The following ZFPM2 variants were observed in gnomAD, a reference collection of about 807,000 sequenced individuals.
ZFPM2 encodes zinc finger protein ZFPM2.
Under a neutral mutation model 98.6 loss-of-function variants are expected in ZFPM2, and 20 were observed. The observed-to-expected ratio is 0.20, with a 90% CI of 0.14 to 0.29. ZFPM2 has a LOEUF of 0.29. Among genes scored for constraint, ZFPM2 ranks in the 10% least tolerant of loss-of-function variants. The pLI, the probability that ZFPM2 is intolerant of heterozygous loss-of-function variation, is 1.00. For missense variants in ZFPM2, 1,310 were observed against 1,388.6 expected (o/e 0.94, Z 0.90); for synonymous variants, 518 against 502.7 (o/e 1.03, Z -0.41).
At chr8:105,702,513 T>G (rs548382392) in intron 5 of ZFPM2, among the ~76,000 whole-genome samples, 1 of 152,288 alleles carries the variant, frequency 6.6e-6, no homozygotes, top group Non-Finnish European at 1.5e-5. Flanking sequence ...GTGCAAAATG[T>G]TTGGTTGCAG....
chr8:105,563,850 A>T (rs1815189710), intron 4 of ZFPM2, among the ~76,000 whole-genome samples: 1 of 152,146 alleles, frequency 6.6e-6, no homozygotes, highest in Non-Finnish European at 1.5e-5. Flanking sequence ...ATATTTCTTC[A>T]AAAGTGTACT....
At chr8:105,476,120 A>T (rs1163828259) in intron 3 of ZFPM2, among the ~76,000 whole-genome samples, 5 of 152,166 alleles carry the variant, frequency 3.3e-5, no homozygotes, top group African/African-American at 4.8e-5. Context: ...TGGTAGTGCA[A>T]ATATGACTTT....
At chr8:105,669,415 A>G (rs1280104534) in intron 5 of ZFPM2, among the ~76,000 whole-genome samples, 2 of 149,422 alleles carry the variant, frequency 1.3e-5, no homozygotes, top group Non-Finnish European at 3.0e-5. Context: ...TGGGGCAAAT[A>G]TATATATATA....
At chr8:105,540,672 G>T (rs140848447) in intron 3 of ZFPM2, among the ~76,000 whole-genome samples, 1 of 152,026 alleles carries the variant, frequency 6.6e-6, no homozygotes, top group Non-Finnish European at 1.5e-5. Context: ...TATGTTGCAC[G>T]TATTTTCGTG....
At chr8:105,403,400 T>C (rs983880387) in intron 1 of ZFPM2, among the ~76,000 whole-genome samples, 1 of 152,128 alleles carries the variant, frequency 6.6e-6, no homozygotes, top group African/African-American at 2.4e-5. Context: ...GTCATCAGCA[T>C]CACTAATTCA....
At position 105,802,624 on chromosome 8, in the gene ZFPM2, A is replaced by G; in HGVS notation, c.2542A>G (p.Lys848Glu). ...GTCTGAGCGGACGACCACGTCTCCC[A>G]AAAGGCTGCTGGACTATCACGAGTG... ...SQSERTTTSP[K>E]RLLDYHECTV... Residue 848 changes from lysine (K) to glutamate (E), a missense_variant, in exon 8 of 8, where the codon AAA becomes GAA. Transcript: ENST00000407775. 1 of 1,610,712 alleles carries G rather than the reference A, an allele frequency of 6.2e-7. No individual in the cohort carries two copies. Among genetic ancestry groups the G allele is most frequent in the Non-Finnish European group, 8.5e-7 (1 of 1,178,410 alleles).
chr8:105,336,250 G>T (rs182696365), intron 1 of ZFPM2, among the ~76,000 whole-genome samples: 1 of 151,600 alleles, frequency 6.6e-6, no homozygotes, highest in Non-Finnish European at 1.5e-5. Flanking sequence ...TAAAGACGAG[G>T]TTATTAAGGA....
At chr8:105,650,760 G>C (rs1360017909) in intron 5 of ZFPM2, among the ~76,000 whole-genome samples, 2 of 152,124 alleles carry the variant, frequency 1.3e-5, no homozygotes, top group Non-Finnish European at 2.9e-5. Flanking sequence ...TTTAATTTCT[G>C]TTCTTTTACA....
intron 5 of ZFPM2, among the ~76,000 whole-genome samples, chr8:105,686,430 G>C (rs1401934995): frequency 6.6e-6 from 1 of 152,092 alleles, no homozygotes; most frequent in South Asian, 2.1e-4. Flanking sequence ...TCCATGTTGT[G>C]AAATTTCCTT....
chr8:105,481,299 T>C (rs377017981), intron 3 of ZFPM2, among the ~76,000 whole-genome samples: 119 of 143,472 alleles, frequency 8.3e-4, no homozygotes, highest in African/African-American at 3.4e-3. Flanking sequence ...ACTGTGTGGC[T>C]TAAACAACTG....
intron 2 of ZFPM2, among the ~76,000 whole-genome samples, chr8:105,438,393 G>A (rs560964148): frequency 1.2e-4 from 19 of 152,306 alleles, no homozygotes; most frequent in African/African-American, 4.6e-4. Context: ...GTGTTTTAAT[G>A]AACTAATAAA....
At position 105,593,260 on chromosome 8, in the gene ZFPM2, A is replaced by G. The variant is rs1815889352; in HGVS notation, c.420+31779A>G. On this transcript the variant is annotated intron_variant, in intron 4 of 7. Transcript: ENST00000407775. ...ATGTATTGGAATGGTTAATTCTAGT[A>G]ATGGAGAAAAGAATTACCAAAATTC... is the stretch of plus-strand genomic sequence containing the variant. 2.0e-5 allele frequency among the ~76,000 whole-genome samples: 3 copies of G among 152,122 alleles called. No individual in the cohort carries two copies. In the South Asian group the frequency reaches 6.2e-4, roughly 32 times the overall value.
chr8:105,741,689 G>A (rs1812218487), intron 5 of ZFPM2, among the ~76,000 whole-genome samples: 2 of 152,080 alleles, frequency 1.3e-5, no homozygotes, highest in South Asian at 2.1e-4. Flanking sequence ...GGGAATTGGT[G>A]CTGGAGTTGG....
At chr8:105,599,018 C>CT (rs1816033765) in intron 4 of ZFPM2, among the ~76,000 whole-genome samples, 1 of 152,108 alleles carries the variant, frequency 6.6e-6, no homozygotes, top group South Asian at 2.1e-4. Flanking sequence ...CACTAGCTAG[C>CT]ATGGCTATGG....
intron 1 of ZFPM2, among the ~76,000 whole-genome samples, chr8:105,359,279 C>G (rs1284965653): frequency 1.3e-5 from 2 of 152,124 alleles, no homozygotes; most frequent in Non-Finnish European, 2.9e-5. Context: ...GCCTTCCCAG[C>G]CATGCAGAAC....
chr8:105,610,209 C>T lies in ZFPM2; in HGVS notation c.421-24037C>T, dbSNP rs556560674. On this transcript the variant is annotated intron_variant, in intron 4 of 7. Transcript: ENST00000407775. ...CAGAGAGCCCAGGCTGTATCTTTTC[C>T]GTTTGTGGGGAATGTTTAGATTTAC... 5.9e-5 allele frequency among the ~76,000 whole-genome samples: 9 copies of T among 152,158 alleles called. No homozygotes were observed. The Middle Eastern group carries it at 0.014, about 230-fold the overall frequency.
At chr8:105,601,135 C>T (rs1326980896) in intron 4 of ZFPM2, among the ~76,000 whole-genome samples, 8 of 152,176 alleles carry the variant, frequency 5.3e-5, no homozygotes, top group East Asian at 1.9e-4. Flanking sequence ...GACAAAGAAT[C>T]GTTTTTCTCC....
chr8:105,723,864 A>G (rs1196941805), intron 5 of ZFPM2, among the ~76,000 whole-genome samples: 1 of 151,668 alleles, frequency 6.6e-6, no homozygotes, highest in Non-Finnish European at 1.5e-5. Context: ...GAATACTTTC[A>G]TTGACATTAA....
intron 4 of ZFPM2, among the ~76,000 whole-genome samples, chr8:105,593,235 A>G (rs1815888579): frequency 6.6e-6 from 1 of 152,144 alleles, no homozygotes; most frequent in East Asian, 1.9e-4. Flanking sequence ...GAGCCCAGGA[A>G]TGTATTGGAA....
Sources: gnomAD v4.1 joint callset for allele counts (sites outside exome capture counted in the v4.1 genomes callset) on GRCh38, gnomAD v4.1.1 for gene constraint, MANE v1.5 for transcripts, NCBI Gene and HGNC (gene_info 2026-07-23, HGNC 2026-07-21) for gene names.